Variants in RAB3A observed in about 807,000 individuals in gnomAD.
RAB3A encodes the protein RAB3A, member RAS oncogene family, also known as ras-related protein Rab-3A.
RAB3A carries 5 observed loss-of-function variants against 19.7 expected under a neutral mutation model. The ratio of observed to expected loss-of-function variants is 0.25; its 90% CI spans 0.13 to 0.53. The LOEUF is 0.53. Ranked by LOEUF, RAB3A falls within the 20% of genes least tolerant of loss-of-function variation. The pLI is 0.95. For synonymous variants in RAB3A, 119 were observed against 122.1 expected (o/e 0.97, Z 0.17); for missense variants, 189 against 305.6 (o/e 0.62, Z 2.85).
In RAB3A at chr19:18,202,783, C is replaced by T. The variant is rs1174058072; in HGVS notation, c.1-43G>A. ...AGCAGAGCCGTGAGGGGGGCTCTCT[C>T]CATCCTCATGTGCCCAAGCCCAGGC... On this transcript the variant is annotated intron_variant, in intron 1 of 4. Coordinates refer to ENST00000222256, the MANE Select transcript of RAB3A (RefSeq NM_002866.5). The surrounding 1 kb of genome is among the most constrained non-coding windows in gnomAD (Gnocchi z 4.2). 1.3e-6 allele frequency: 2 copies of T among 1,526,400 alleles called. No homozygotes were observed. The highest frequency in any genetic ancestry group is 1.8e-6 in the Non-Finnish European group (2 of 1,103,926). The allele number at this position is 1,526,400 out of a possible 1,614,324, so 94.6% of individuals were successfully genotyped here.
At position 18,202,432 on chromosome 19, in the gene RAB3A, A is replaced by C; in HGVS notation, c.228+81T>G. 1.6e-6 allele frequency: 2 copies of C among 1,278,320 alleles called. No individual in the cohort carries two copies. The highest frequency in any genetic ancestry group is 2.2e-6 in the Non-Finnish European group (2 of 890,320). The allele number at this position is 1,278,320 out of a possible 1,614,324, so 79.2% of individuals were successfully genotyped here. Reference sequence around the variant, plus strand: ...GTAAGTGAATGACTCCAGTCAGGAAAGAGATAGACGAGGTTGGGGCTGCTT... The same window carrying C: ...GTAAGTGAATGACTCCAGTCAGGAACGAGATAGACGAGGTTGGGGCTGCTT... On this transcript the variant is annotated intron_variant, in intron 2 of 4. Coordinates refer to ENST00000222256, the MANE Select transcript of RAB3A (RefSeq NM_002866.5). This position sits in a 1 kb window ranked among gnomAD's most constrained non-coding sequence, Gnocchi z 4.2.
chr19:18,197,163 TAAAA>T lies in RAB3A; in HGVS notation c.*303_*306del. On this transcript the variant is annotated 3_prime_UTR_variant, in exon 5 of 5. Coordinates refer to ENST00000222256, the MANE Select transcript of RAB3A (RefSeq NM_002866.5). ...GACAACTGTGGATGGGGGTGAATTT[TAAAA>T]AAAGGCGGGGGGGGGGGGTTCAGGA... 3.9e-6 allele frequency: 1 copy of T among 259,100 alleles called. No homozygotes were observed. The highest frequency in any genetic ancestry group is 6.5e-6 in the Non-Finnish European group (1 of 154,494). 16.1% of individuals were successfully genotyped at this position (259,100 alleles called of 1,614,324 possible). A position where few individuals can be genotyped will look rare whatever the true frequency, so the allele number is the denominator to read the frequency against.
At chr19:18,197,964 G>C (rs1450575827) in intron 4 of RAB3A, among the ~76,000 whole-genome samples, 16 of 142,222 alleles carry the variant, frequency 1.1e-4, no homozygotes, top group Non-Finnish European at 1.6e-4. Flanking sequence ...CTGCAGTCTC[G>C]ACCTCCTGGG....
At chr19:18,197,829 C>A (rs1294375657) in intron 4 of RAB3A, among the ~76,000 whole-genome samples, 169 bp from the exon 5 acceptor site, 1 of 60,194 alleles carries the variant, frequency 1.7e-5, no homozygotes, top group Non-Finnish European at 5.4e-5. Context: ...CTGACAAATC[C>A]CACAGAGAAG....
Position 18,202,378 on chromosome 19 carries a change from TG to T in RAB3A, c.228+134del. ...GTGCTGTTTCTGCCCCGGTACACAG[TG>T]GGCACCTTACTGATAAATGCCCAGT... On this transcript the variant is annotated intron_variant, in intron 2 of 4. Coordinates refer to ENST00000222256, the MANE Select transcript of RAB3A (RefSeq NM_002866.5). The surrounding 1 kb of genome is among the most constrained non-coding windows in gnomAD (Gnocchi z 4.2). 1.3e-6 allele frequency: 1 copy of T among 755,150 alleles called. No individual in the cohort carries two copies. Among genetic ancestry groups the T allele is most frequent in the Non-Finnish European group, 2.2e-6 (1 of 455,072 alleles). 46.8% of individuals were successfully genotyped at this position (755,150 alleles called of 1,614,324 possible).
chr19:18,202,639 GC>G lies in RAB3A; in HGVS notation c.101del (p.Gly34AlafsTer100). ...KILIIGNSSV[G>X]KTSFLFRYAD... The stretch of plus-strand genomic sequence containing the variant: ...CATAGCGGAAGAGGAAGGACGTCTT[GC>G]CCACGCTGCTGTTGCCGATGATGAG... On this transcript the variant is annotated frameshift_variant, in exon 2 of 5. Coordinates refer to ENST00000222256, the MANE Select transcript of RAB3A (RefSeq NM_002866.5). LOFTEE classifies it high-confidence loss of function. The surrounding 1 kb of genome is among the most constrained non-coding windows in gnomAD (Gnocchi z 4.2). The G allele has an allele frequency of 6.2e-7, 1 of 1,614,182 alleles. No homozygotes were observed. The highest frequency in any genetic ancestry group is 8.5e-7 in the Non-Finnish European group (1 of 1,180,034).
At chr19:18,197,924 G>GATGGAGT (rs939084911) in intron 4 of RAB3A, among the ~76,000 whole-genome samples, 3 of 147,070 alleles carry the variant, frequency 2.0e-5, no homozygotes, top group Non-Finnish European at 4.5e-5. Flanking sequence ...TGCTGCCCAG[G>GATGGAGT]ATGGAGTATG....
intron 3 of RAB3A, among the ~76,000 whole-genome samples, chr19:18,199,882 C>T (rs1434436350): frequency 6.6e-6 from 1 of 152,144 alleles, no homozygotes; most frequent in African/African-American, 2.4e-5. Flanking sequence ...ATATTTGTTT[C>T]TATATGGTTA....
At position 18,201,562 on chromosome 19, in the gene RAB3A, G is replaced by T. The variant is rs575775566; in HGVS notation, c.228+951C>A. ...GATTGCACTACTGCACTCCAGCCTGGGTGACAGAGCAAAAACTCTGTCTCA... is the reference window on the plus strand; with the variant it reads ...GATTGCACTACTGCACTCCAGCCTGTGTGACAGAGCAAAAACTCTGTCTCA... On this transcript the variant is annotated intron_variant, in intron 2 of 4. Transcript: ENST00000222256. 4.6e-5 allele frequency among the ~76,000 whole-genome samples: 7 copies of T among 152,232 alleles called. No individual in the cohort carries two copies. The East Asian group carries it at 1.3e-3, about 29-fold the overall frequency.
chr19:18,197,215 GC>G lies in RAB3A; in HGVS notation c.*254del, dbSNP rs1183496633. The G allele has an allele frequency of 6.5e-5, 29 of 449,106 alleles. No individual in the cohort carries two copies. Among genetic ancestry groups the G allele is most frequent in the Non-Finnish European group, 1.1e-4 (27 of 256,264 alleles). 27.8% of individuals were successfully genotyped at this position (449,106 alleles called of 1,614,324 possible). A position where few individuals can be genotyped will look rare whatever the true frequency, so the allele number is the denominator to read the frequency against. Reference sequence around the variant, plus strand: ...GGAGGGTGAGCGGTGAGTTCACGGGGCCACGAGACACCACAGCTGAGTGGGG... The same window carrying G: ...GGAGGGTGAGCGGTGAGTTCACGGGGCACGAGACACCACAGCTGAGTGGGG... On this transcript the variant is annotated 3_prime_UTR_variant, in exon 5 of 5. Transcript: ENST00000222256.
In RAB3A at chr19:18,197,664, T is replaced by C; in HGVS notation, c.473-4A>G. ...CTTGCCTCAAAGAACTCGAACCCTGTGGTCAGAGAAGGCAGGGATGAGGAC... is the reference window on the plus strand; with the variant it reads ...CTTGCCTCAAAGAACTCGAACCCTGCGGTCAGAGAAGGCAGGGATGAGGAC... On this transcript the variant is annotated splice_polypyrimidine_tract_variant and splice_region_variant and intron_variant, in intron 4 of 4. Transcript: ENST00000222256. The C allele has an allele frequency of 1.2e-6, 2 of 1,605,694 alleles. No homozygotes were observed. Among genetic ancestry groups the C allele is most frequent in the Non-Finnish European group, 1.7e-6 (2 of 1,174,034 alleles).
chr19:18,200,221 T>C, intron 3 of RAB3A, 106 bp downstream of exon 3: 9 of 886,408 alleles, frequency 1.0e-5, no homozygotes, highest in Non-Finnish European at 1.4e-5. Context: ...AGGTCGAGGC[T>C]GCAGTGAGCC....
In RAB3A at chr19:18,197,320, T is replaced by A. The variant is rs942231513; in HGVS notation, c.*150A>T. 1.3e-6 allele frequency: 1 copy of A among 747,744 alleles called. No homozygotes were observed. Among genetic ancestry groups the A allele is most frequent in the Non-Finnish European group, 2.1e-6 (1 of 480,686 alleles). The allele number at this position is 747,744 out of a possible 1,614,324, so 46.3% of individuals were successfully genotyped here. ...GCCCCTGGGGGACATCTTCAATAAA[T>A]AAATAAATAGCTACAATAATAAATA... On this transcript the variant is annotated 3_prime_UTR_variant, in exon 5 of 5. Coordinates refer to ENST00000222256, the MANE Select transcript of RAB3A (RefSeq NM_002866.5).
rs532419860 is a variant in RAB3A at position 18,197,241 on chromosome 19, G to T, written c.*229C>A. On this transcript the variant is annotated 3_prime_UTR_variant, in exon 5 of 5. Transcript: ENST00000222256. ...CCACGAGACACCACAGCTGAGTGGG[G>T]AAAGGGCTATATGTACAGGAGGGGC... 1.6e-4 allele frequency: 79 copies of T among 494,602 alleles called. No homozygotes were observed. Among genetic ancestry groups the T allele is most frequent in the Non-Finnish European group, 2.5e-4 (72 of 283,848 alleles). 30.6% of individuals were successfully genotyped at this position (494,602 alleles called of 1,614,324 possible). A position where few individuals can be genotyped will look rare whatever the true frequency, so the allele number is the denominator to read the frequency against.
At chr19:18,203,571 G>C (rs1210524678) in intron 1 of RAB3A, among the ~76,000 whole-genome samples, 1 of 152,188 alleles carries the variant, frequency 6.6e-6, no homozygotes, top group Non-Finnish European at 1.5e-5. Context: ...GGTGCACACA[G>C]ACCCGCTGAC....
In RAB3A at chr19:18,202,708, C is replaced by T. The variant is rs1967629300; in HGVS notation, c.33G>A (p.Gln11=). Reference sequence around the variant, plus strand: ...CGAAGTTCTGATCCGAGGACTCCTTCTGCCCATAGCGCGAGTCTGTGGCGG... The same window carrying T: ...CGAAGTTCTGATCCGAGGACTCCTTTTGCCCATAGCGCGAGTCTGTGGCGG... MASATDSRYG[Q]KESSDQNFDY... Residue 11 remains glutamine, a synonymous_variant, in exon 2 of 5, where the codon CAG becomes CAA. Transcript: ENST00000222256. The surrounding 1 kb of genome is among the most constrained non-coding windows in gnomAD (Gnocchi z 4.2). 6.2e-7 allele frequency: 1 copy of T among 1,614,066 alleles called. No individual in the cohort carries two copies. The highest frequency in any genetic ancestry group is 1.3e-5 in the African/African-American group (1 of 74,928).
Position 18,202,454 on chromosome 19 carries a change from G to A in RAB3A, c.228+59C>T. ...GAAAGAGATAGACGAGGTTGGGGCT[G>A]CTTTTCCAAGTACGGGAATCCAACC... is the stretch of plus-strand genomic sequence containing the variant. On this transcript the variant is annotated intron_variant, in intron 2 of 4. Transcript: ENST00000222256. This position sits in a 1 kb window ranked among gnomAD's most constrained non-coding sequence, Gnocchi z 4.2. 6.8e-7 allele frequency: 1 copy of A among 1,476,380 alleles called. No individual in the cohort carries two copies. Among genetic ancestry groups the A allele is most frequent in the Admixed American group, 1.7e-5 (1 of 58,752 alleles). The allele number at this position is 1,476,380 out of a possible 1,614,324, so 91.5% of individuals were successfully genotyped here.
chr19:18,202,955 G>A lies in RAB3A; in HGVS notation c.1-215C>T. On this transcript the variant is annotated intron_variant, in intron 1 of 4. Coordinates refer to ENST00000222256, the MANE Select transcript of RAB3A (RefSeq NM_002866.5). This position sits in a 1 kb window ranked among gnomAD's most constrained non-coding sequence, Gnocchi z 4.2. ...GGCGTTTCAGAGGAGGGGCTCAGAGGGTTGCCGATGGGGACACCCCAGCAG... is the reference window on the plus strand; with the variant it reads ...GGCGTTTCAGAGGAGGGGCTCAGAGAGTTGCCGATGGGGACACCCCAGCAG... The A allele has an allele frequency of 1.8e-6, 1 of 543,454 alleles. No homozygotes were observed. The highest frequency in any genetic ancestry group is 3.3e-6 in the Non-Finnish European group (1 of 302,978). 33.7% of individuals were successfully genotyped at this position (543,454 alleles called of 1,614,324 possible).
Position 18,203,937 on chromosome 19 carries a change from CT to C in RAB3A, c.-43del, listed in dbSNP as rs1428102756. On this transcript the variant is annotated 5_prime_UTR_variant, in exon 1 of 5. Transcript: ENST00000222256. ...GCAACGGCGACCCTAGCGGCGGTGA[CT>C]TTTTTGGCGGTGGCGGTGACAGGAC... 4.5e-5 allele frequency: 7 copies of C among 156,940 alleles called. No homozygotes were observed. Among genetic ancestry groups the C allele is most frequent in the South Asian group, 1.5e-4 (1 of 6,582 alleles). 9.7% of individuals were successfully genotyped at this position (156,940 alleles called of 1,614,324 possible).
Sources: allele counts gnomAD v4.1 joint callset (sites outside exome capture counted in the v4.1 genomes callset), GRCh38; gene constraint gnomAD v4.1.1; non-coding constraint Gnocchi (gnomAD v3.1); transcripts MANE v1.5; gene names NCBI Gene and HGNC (gene_info 2026-07-23, HGNC 2026-07-21).